The following RAB27B variants were observed in gnomAD, a reference collection of about 807,000 sequenced individuals.
RAB27B encodes the protein RAB27B, member RAS oncogene family, also known as ras-related protein Rab-27B.
A neutral mutation model predicts 24.6 loss-of-function variants in RAB27B; 15 were observed. That is an observed-to-expected ratio of 0.61 (90% CI 0.41 to 0.94). RAB27B has a LOEUF of 0.94. Ranked by LOEUF, RAB27B falls within the 40% of genes least tolerant of loss-of-function variation. The pLI, the probability that RAB27B is intolerant of heterozygous loss-of-function variation, is 0.00. For missense variants in RAB27B, 261 were observed against 266.8 expected (o/e 0.98, Z 0.15); for synonymous variants, 105 against 92.5 (o/e 1.14, Z -0.78).
intron 2 of RAB27B, among the ~76,000 whole-genome samples, chr18:54,778,648 T>C (rs1908791503): frequency 6.6e-6 from 1 of 152,176 alleles, no homozygotes; most frequent in South Asian, 2.1e-4. Context: ...AAATGATTAC[T>C]ATTTTCTGTT....
At chr18:54,785,019 C>A (rs909936567) in intron 2 of RAB27B, among the ~76,000 whole-genome samples, 2 of 152,202 alleles carry the variant, frequency 1.3e-5, no homozygotes, top group African/African-American at 4.8e-5. Context: ...TTGGTGTATG[C>A]CTCCAGCCAC....
At chr18:54,889,153 C>A in intron 5 of RAB27B, 71 bp from the exon 6 acceptor site, 2 of 1,388,338 alleles carry the variant, frequency 1.4e-6, no homozygotes, top group South Asian at 3.3e-5. Context: ...ATGTGTGATT[C>A]ACTTGTACAT....
At chr18:54,799,609 A>C (rs1463111163) in intron 2 of RAB27B, among the ~76,000 whole-genome samples, 1 of 142,076 alleles carries the variant, frequency 7.0e-6, no homozygotes, top group Non-Finnish European at 1.5e-5. Context: ...ATATATAATA[A>C]AATGATTTTT....
intron 1 of RAB27B, among the ~76,000 whole-genome samples, chr18:54,845,802 C>T (rs191587804): frequency 6.6e-6 from 1 of 152,282 alleles, no homozygotes; most frequent in Non-Finnish European, 1.5e-5. Flanking sequence ...TTTGAGATAA[C>T]ATACCATCAA....
intron 1 of RAB27B, among the ~76,000 whole-genome samples, chr18:54,841,806 A>G (rs1335814695): frequency 6.6e-6 from 1 of 152,218 alleles, no homozygotes; most frequent in Non-Finnish European, 1.5e-5. Flanking sequence ...CATTAATGCT[A>G]TATTGCCTCC....
At chr18:54,756,751 C>T (rs1006543759) in intron 2 of RAB27B, among the ~76,000 whole-genome samples, 7 of 152,036 alleles carry the variant, frequency 4.6e-5, no homozygotes, top group African/African-American at 1.7e-4. Flanking sequence ...TAGAAGAAGG[C>T]ATGAAGCATG....
At chr18:54,836,922 A>G (rs1328615109) in intron 1 of RAB27B, among the ~76,000 whole-genome samples, 1 of 150,176 alleles carries the variant, frequency 6.7e-6, no homozygotes, top group African/African-American at 2.5e-5. Context: ...TGTTATTACA[A>G]CAAAAGACCT....
intron 2 of RAB27B, among the ~76,000 whole-genome samples, chr18:54,820,545 A>C (rs966952836): frequency 6.6e-6 from 1 of 151,678 alleles, no homozygotes; most frequent in African/African-American, 2.4e-5. Context: ...GATTGCAAAA[A>C]TTTTCTCCCA....
At chr18:54,800,060 C>A (rs571286729) in intron 2 of RAB27B, among the ~76,000 whole-genome samples, 5 of 152,196 alleles carry the variant, frequency 3.3e-5, no homozygotes, top group Admixed American at 6.5e-5. Context: ...AAAGACTTAA[C>A]TAACTGTCCC....
chr18:54,825,437 G>T (rs9962851), upstream of RAB27B, among the ~76,000 whole-genome samples: 1 of 151,860 alleles, frequency 6.6e-6, no homozygotes, highest in Non-Finnish European at 1.5e-5. Context: ...ATAGAAAGAA[G>T]TCTTTTCTAG....
chr18:54,854,090 C>T (rs772291060), intron 1 of RAB27B, among the ~76,000 whole-genome samples: 8 of 152,114 alleles, frequency 5.3e-5, no homozygotes, highest in Non-Finnish European at 7.3e-5. Flanking sequence ...TAAATGCCAC[C>T]GGTAAGGGGC....
chr18:54,794,972 A>C (rs1909369026), intron 2 of RAB27B, among the ~76,000 whole-genome samples: 1 of 152,248 alleles, frequency 6.6e-6, no homozygotes, highest in Admixed American at 6.5e-5. Flanking sequence ...AGAGACTAAA[A>C]GCATTGTTTT....
At chr18:54,851,609 T>A (rs1249895175) in intron 1 of RAB27B, among the ~76,000 whole-genome samples, 1 of 152,232 alleles carries the variant, frequency 6.6e-6, no homozygotes, top group Non-Finnish European at 1.5e-5. Context: ...CTGGGTGTCC[T>A]GAATTTTATT....
chr18:54,756,872 T>C (rs1178076781), intron 2 of RAB27B, among the ~76,000 whole-genome samples: 1 of 152,194 alleles, frequency 6.6e-6, no homozygotes, highest in African/African-American at 2.4e-5. Flanking sequence ...GGTTCTTCCT[T>C]TATATCTAAC....
At chr18:54,852,958 G>A (rs185647309) in intron 1 of RAB27B, among the ~76,000 whole-genome samples, 6 of 152,276 alleles carry the variant, frequency 3.9e-5, no homozygotes, top group Admixed American at 6.5e-5. Context: ...AGCGGAGAAC[G>A]CAATATGAGT....
chr18:54,894,285 A>G lies in RAB27B; in HGVS notation c.*4872A>G, dbSNP rs1209023923. On this transcript the variant is annotated 3_prime_UTR_variant, in exon 6 of 6. Coordinates refer to ENST00000262094, the MANE Select transcript of RAB27B (RefSeq NM_004163.4). ...TGAGAAAAAAATATACAAAGAAGTC[A>G]TCTTTTCATTAAGTGGATTCCCTGG... is the stretch of plus-strand genomic sequence containing the variant. The G allele has an allele frequency of 6.6e-6, 1 of 151,986 alleles. No homozygotes were observed. The highest frequency in any genetic ancestry group is 1.5e-5 in the Non-Finnish European group (1 of 67,902). 9.4% of individuals were successfully genotyped at this position (151,986 alleles called of 1,614,324 possible).
intron 1 of RAB27B, among the ~76,000 whole-genome samples, chr18:54,864,861 T>C (rs1423061774): frequency 6.6e-6 from 1 of 152,204 alleles, no homozygotes; most frequent in Non-Finnish European, 1.5e-5. Flanking sequence ...TATTTTTCAG[T>C]CAAGATCATT....
At chr18:54,829,963 C>T (rs1172523801) in intron 1 of RAB27B, among the ~76,000 whole-genome samples, 1 of 152,182 alleles carries the variant, frequency 6.6e-6, no homozygotes, top group African/African-American at 2.4e-5. Context: ...TGGAGCTTTT[C>T]TGTTTCAGAA....
At chr18:54,738,100 A>G (rs1200838431) in intron 2 of RAB27B, among the ~76,000 whole-genome samples, 1 of 152,212 alleles carries the variant, frequency 6.6e-6, no homozygotes. Flanking sequence ...GAGCCTACGT[A>G]TTATACTAGA....
Sources: allele counts gnomAD v4.1 joint callset (sites outside exome capture counted in the v4.1 genomes callset), GRCh38; gene constraint gnomAD v4.1.1; transcripts MANE v1.5; gene names NCBI Gene and HGNC (gene_info 2026-07-23, HGNC 2026-07-21).